The following NSUN2 variants were observed in gnomAD, a reference collection of about 807,000 sequenced individuals.
NSUN2 encodes the protein NOP2/Sun RNA methyltransferase 2, also known as RNA cytosine C(5)-methyltransferase NSUN2.
Under a neutral mutation model 92.7 loss-of-function variants are expected in NSUN2, and 63 were observed. That is an observed-to-expected ratio of 0.68 (90% CI 0.56 to 0.84). The LOEUF (loss-of-function observed/expected upper bound fraction) is 0.84. Ranked by LOEUF, NSUN2 falls within the 40% of genes least tolerant of loss-of-function variation. NSUN2 has a pLI of 0.00. For missense variants in NSUN2, 989 were observed against 964.9 expected (o/e 1.02, Z -0.33); for synonymous variants, 356 against 348.3 (o/e 1.02, Z -0.25).
chr5:6,612,229 C>T (rs1737021450), intron 9 of NSUN2, among the ~76,000 whole-genome samples: 1 of 152,218 alleles, frequency 6.6e-6, no homozygotes, highest in African/African-American at 2.4e-5. Context: ...AGAAGACAAC[C>T]AGAAGGCTGG....
At chr5:6,620,333 G>A (rs1185624320) in intron 6 of NSUN2, 35 bp from the exon 7 acceptor site, 2 of 1,480,842 alleles carry the variant, frequency 1.4e-6, no homozygotes, top group Non-Finnish European at 9.0e-7. Context: ...AGGTGAAATG[G>A]AGCCTAAGTG....
intron 4 of NSUN2, among the ~76,000 whole-genome samples, chr5:6,623,526 A>G (rs1737543922): frequency 6.6e-6 from 1 of 152,224 alleles, no homozygotes; most frequent in East Asian, 1.9e-4. Context: ...CATGAAAGAA[A>G]AGGGACTTGA....
At chr5:6,632,555 C>A (rs759316714) in intron 2 of NSUN2, 44 bp downstream of exon 2, 2 of 1,603,916 alleles carry the variant, frequency 1.2e-6, no homozygotes, top group South Asian at 1.1e-5. Flanking sequence ...TAACCTCCAG[C>A]ATCCTGGCCC....
In NSUN2 at chr5:6,616,863, G is replaced by A; in HGVS notation, c.891-6C>T. On this transcript the variant is annotated splice_polypyrimidine_tract_variant and splice_region_variant and intron_variant, in intron 8 of 18. Transcript: ENST00000264670. ...TTGCAATCCGCAGCTGTAAGCTAAGGGGAGATATCAGATGACTGCAAGGCC... is the reference window on the plus strand; with the variant it reads ...TTGCAATCCGCAGCTGTAAGCTAAGAGGAGATATCAGATGACTGCAAGGCC... 1 of 1,610,876 alleles carries A rather than the reference G, an allele frequency of 6.2e-7. No individual in the cohort carries two copies.
intron 7 of NSUN2, among the ~76,000 whole-genome samples, chr5:6,619,647 T>G (rs1391296616): frequency 6.6e-6 from 1 of 152,252 alleles, no homozygotes; most frequent in Non-Finnish European, 1.5e-5. Context: ...GGGCTTGAAC[T>G]CCGAAATTTC....
intron 16 of NSUN2, 70 bp downstream of exon 16, chr5:6,604,535 C>A: frequency 7.2e-7 from 1 of 1,387,674 alleles, no homozygotes; most frequent in South Asian, 1.2e-5. Context: ...GGCTGACCAG[C>A]AAGCCCATCT....
intron 3 of NSUN2, among the ~76,000 whole-genome samples, chr5:6,626,771 G>A (rs1737674021): frequency 6.6e-6 from 1 of 152,190 alleles, no homozygotes; most frequent in Non-Finnish European, 1.5e-5. Context: ...ACGTCACACG[G>A]CCATAAATCT....
At chr5:6,601,777 G>A (rs934244308) in intron 18 of NSUN2, among the ~76,000 whole-genome samples, 35 of 152,096 alleles carry the variant, frequency 2.3e-4, no homozygotes, top group Non-Finnish European at 2.1e-4. Flanking sequence ...CCAGTCAGCC[G>A]TGGACCCCAT....
chr5:6,619,351 G>A lies in NSUN2; in HGVS notation c.815+755C>T, dbSNP rs138345322. Among the ~76,000 whole-genome samples the A allele has an allele frequency of 2.8e-3, 419 of 152,262 alleles. 2 individuals are homozygous for A. Among genetic ancestry groups the A allele is most frequent in the Middle Eastern group, 0.01 (3 of 294 alleles). ...TGGCATTCTTCCATAATGTGGTATC[G>A]TATCTAAAGCTTGCATTCTGTGCTA... On this transcript the variant is annotated intron_variant, in intron 7 of 18. Coordinates refer to ENST00000264670, the MANE Select transcript of NSUN2 (RefSeq NM_017755.6).
chr5:6,624,279 C>T (rs1296650408), intron 4 of NSUN2, among the ~76,000 whole-genome samples: 1 of 152,184 alleles, frequency 6.6e-6, no homozygotes, highest in East Asian at 1.9e-4. Flanking sequence ...ATGGGGACAT[C>T]CCGGCAGACA....
At chr5:6,608,609 A>C (rs73737135) in intron 12 of NSUN2, among the ~76,000 whole-genome samples, 2,560 of 152,380 alleles carry the variant, frequency 0.017, 93 homozygotes, top group African/African-American at 0.058. Flanking sequence ...AAGACTATAC[A>C]TAAGGGGCTA....
Position 6,621,606 on chromosome 5 carries a change from G to A in NSUN2, c.622+410C>T, listed in dbSNP as rs535728758. 437 of 155,104 alleles carry A rather than the reference G, an allele frequency of 2.8e-3. 4 individuals carry two copies. The highest frequency in any genetic ancestry group is 9.9e-3 in the African/African-American group (412 of 41,466). The allele number at this position is 155,104 out of a possible 1,614,324, so 9.6% of individuals were successfully genotyped here. On this transcript the variant is annotated intron_variant, in intron 6 of 18. Transcript: ENST00000264670. ...TACTAAAAATACAAAAAATTACCCG[G>A]GCATGGTGGCGGGCACCTGTAGTCC...
In NSUN2 at chr5:6,605,306, C is replaced by G. The variant is rs1560972197; in HGVS notation, c.1704G>C (p.Arg568=). Residue 568 remains arginine (R), a synonymous_variant, in exon 15 of 19, where the codon CGG becomes CGC. Coordinates refer to ENST00000264670, the MANE Select transcript of NSUN2 (RefSeq NM_017755.6). ...RQLYMVSKEL[R]NVLLNNSEKM... ...TCTCACTGTTATTCAGCAGCACATT[C>G]CGCAACTCCTTAGAAACCATGTAGA... 1 of 1,614,228 alleles carries G rather than the reference C, an allele frequency of 6.2e-7. No homozygotes were observed. Among genetic ancestry groups the G allele is most frequent in the Non-Finnish European group, 8.5e-7 (1 of 1,180,026 alleles).
chr5:6,620,061 G>A, intron 7 of NSUN2, 45 bp downstream of exon 7: 1 of 1,443,088 alleles, frequency 6.9e-7, no homozygotes, highest in Non-Finnish European at 9.4e-7. Context: ...TATTTGACTT[G>A]ATTTCTTTAG....
At chr5:6,622,677 G>A (rs11744948) in intron 5 of NSUN2, among the ~76,000 whole-genome samples, 51,803 of 151,656 alleles carry the variant, frequency 0.34, 9,069 homozygotes, top group Middle Eastern at 0.44. Context: ...GAGAAACCCC[G>A]TCTCTACTAA....
intron 15 of NSUN2, 138 bp downstream of exon 15, chr5:6,605,135 G>T: frequency 8.9e-7 from 1 of 1,125,820 alleles, no homozygotes; most frequent in Non-Finnish European, 1.3e-6. Context: ...AAATCAAAGG[G>T]CAGGCTCAGG....
intron 5 of NSUN2, among the ~76,000 whole-genome samples, chr5:6,622,352 A>C (rs1737480210): frequency 6.6e-6 from 1 of 152,240 alleles, no homozygotes; most frequent in South Asian, 2.1e-4. Flanking sequence ...TATAGAGATG[A>C]ACAAGTAAGA....
In NSUN2 at chr5:6,611,448, T is replaced by TAAAAAAAAA. The variant is rs760872450; in HGVS notation, c.1095+268_1095+276dup. Among the ~76,000 whole-genome samples the TAAAAAAAAA allele has an allele frequency of 9.3e-5, 8 of 86,082 alleles. 1 individual carries two copies. Among genetic ancestry groups the TAAAAAAAAA allele is most frequent in the East Asian group, 3.4e-4 (1 of 2,962 alleles). The allele number at this position is 86,082 out of a possible 152,430, so 56.5% of individuals were successfully genotyped here. A position where few individuals can be genotyped will look rare whatever the true frequency, so the allele number is the denominator to read the frequency against. ...ACAAGGCTTGAATCCCGGCCCAATT[T>TAAAAAAAAA]AAAAAAAAAAAAAAAAAGCAAAGCT... On this transcript the variant is annotated intron_variant, in intron 10 of 18. Transcript: ENST00000264670.
At chr5:6,606,721 G>T in intron 14 of NSUN2, 99 bp downstream of exon 14, 4 of 613,164 alleles carry the variant, frequency 6.5e-6, no homozygotes, top group South Asian at 2.5e-5. Flanking sequence ...AAGCTAGACA[G>T]AACTACATAC....
Sources: gnomAD v4.1 joint callset for allele counts (sites outside exome capture counted in the v4.1 genomes callset) on GRCh38, gnomAD v4.1.1 for gene constraint, MANE v1.5 for transcripts, NCBI Gene and HGNC (gene_info 2026-07-23, HGNC 2026-07-21) for gene names.